Variants in ANKMY1 observed in about 807,000 individuals in gnomAD.
ANKMY1 encodes the protein ankyrin repeat and MYND domain-containing protein 1.
ANKMY1 carries 98 observed loss-of-function variants against 102.0 expected under a neutral mutation model. The observed-to-expected ratio is 0.96, with a 90% CI of 0.82 to 1.14. The LOEUF (loss-of-function observed/expected upper bound fraction) is 1.14, where lower values mean the gene tolerates loss of function less well. ANKMY1 is among the 50% of genes most tolerant of loss of function. ANKMY1 has a pLI of 0.00. For synonymous variants in ANKMY1, 582 were observed against 559.9 expected (o/e 1.04, Z -0.56); for missense variants, 1,330 against 1,347.6 (o/e 0.99, Z 0.20).
At chr2:240,534,183 T>C (rs928285882) in intron 4 of ANKMY1, among the ~76,000 whole-genome samples, 1 of 152,218 alleles carries the variant, frequency 6.6e-6, no homozygotes, top group African/African-American at 2.4e-5. Flanking sequence ...CACTGGAGCT[T>C]ATCCACAGTT....
intron 11 of ANKMY1, among the ~76,000 whole-genome samples, chr2:240,511,089 T>C (rs1488879314): frequency 2.0e-5 from 3 of 152,038 alleles, no homozygotes; most frequent in African/African-American, 7.2e-5. Context: ...GACAGGGATG[T>C]TCTGAAGCAG....
In ANKMY1 at chr2:240,529,277, T is replaced by C. The variant is rs765852536; in HGVS notation, c.713A>G (p.Asp238Gly). The C allele has an allele frequency of 6.2e-7, 1 of 1,614,042 alleles. No individual in the cohort carries two copies. Among genetic ancestry groups the C allele is most frequent in the Non-Finnish European group, 8.5e-7 (1 of 1,180,038 alleles). ...KTEWGLQEGQDPFFYDYKRFL... is the reference protein window; with the variant it reads ...KTEWGLQEGQGPFFYDYKRFL... ...CCGCTTATAGTCATAGAAAAAGGGA[T>C]CCTGTCCCTCCTGCAGTCCCCACTC... Residue 238 changes from aspartate (D) to glycine (G), a missense_variant, in exon 5 of 18, where the codon GAT becomes GGT. By Grantham distance (94) the Asp-to-Gly change is moderately conservative. Coordinates refer to ENST00000401804, the MANE Select transcript of ANKMY1 (RefSeq NM_001282771.3). This position sits in a 1 kb window ranked among gnomAD's most constrained non-coding sequence, Gnocchi z 4.2.
chr2:240,546,495 G>T (rs1367954948), intron 4 of ANKMY1, among the ~76,000 whole-genome samples: 1 of 152,052 alleles, frequency 6.6e-6, no homozygotes, highest in Admixed American at 6.5e-5. Flanking sequence ...GACAGGATCA[G>T]ATTCACACAT....
intron 4 of ANKMY1, among the ~76,000 whole-genome samples, chr2:240,539,300 AGAGGAACGAACAACTCCGGACCG>A (rs2087918299): frequency 6.6e-6 from 1 of 150,596 alleles, no homozygotes; most frequent in Admixed American, 6.6e-5. Flanking sequence ...ACTCTGGACC[AGAGGAACGAACAACTCCGGACCG>A]GAGGAACGAG....
chr2:240,474,723 C>G (rs2074743646), downstream of ANKMY1, among the ~76,000 whole-genome samples: 2 of 152,192 alleles, frequency 1.3e-5, no homozygotes, highest in East Asian at 3.8e-4. Flanking sequence ...GCCTCCAGCT[C>G]CATCCACATT....
upstream of ANKMY1, chr2:240,561,039 A>G: frequency 6.6e-7 from 1 of 1,525,502 alleles, no homozygotes; most frequent in Non-Finnish European, 8.7e-7. Flanking sequence ...CGCGTACCTC[A>G]TGCGGCACCG....
At chr2:240,484,301 A>T (rs1043874080) in intron 15 of ANKMY1, among the ~76,000 whole-genome samples, 26 of 152,234 alleles carry the variant, frequency 1.7e-4, no homozygotes, top group African/African-American at 6.3e-4. Flanking sequence ...ACTTCAAACT[A>T]TACTACAAGG....
chr2:240,502,257 G>T (rs1015905010), intron 13 of ANKMY1, among the ~76,000 whole-genome samples: 1 of 151,448 alleles, frequency 6.6e-6, no homozygotes, highest in South Asian at 2.1e-4. Flanking sequence ...GCTCTGCCAG[G>T]GCAGTGATGC....
At chr2:240,485,331 GA>G (rs1012691402) in intron 15 of ANKMY1, among the ~76,000 whole-genome samples, 52 of 147,672 alleles carry the variant, frequency 3.5e-4, no homozygotes, top group African/African-American at 1.2e-3. Flanking sequence ...CCGTCTCAAA[GA>G]AAAAAAAAAA....
At position 240,555,039 on chromosome 2, in the gene ANKMY1, G is replaced by T. The variant is rs552783722; in HGVS notation, c.163C>A (p.Pro55Thr). 4 of 1,613,964 alleles carry T rather than the reference G, an allele frequency of 2.5e-6. No homozygotes were observed. The highest frequency in any genetic ancestry group is 2.2e-5 in the South Asian group (2 of 91,088). Residue 55 changes from proline to threonine, a missense_variant, in exon 3 of 18, where the codon CCT (proline) becomes ACT (threonine). Coordinates refer to ENST00000401804, the MANE Select transcript of ANKMY1 (RefSeq NM_001282771.3). ...TCAGCTTCCTCCTCTTCCTTCTCAG[G>T]GGCTGCTGAAACATCCCTAAAAGGA... ...VFATRDVSAA[P>T]EKEEEEAEGP...
chr2:240,526,515 G>T lies in ANKMY1; in HGVS notation c.954-70C>A, dbSNP rs996136842. 6 of 1,594,256 alleles carry T rather than the reference G, an allele frequency of 3.8e-6. 1 individual carries two copies. The African/African-American group carries it at 4.0e-5, about 11-fold the overall frequency. On this transcript the variant is annotated intron_variant, in intron 5 of 17. Coordinates refer to ENST00000401804, the MANE Select transcript of ANKMY1 (RefSeq NM_001282771.3). ...CCTCCCACGAGAAAGGGTCCAGCTG[G>T]ACCACCTCCCTCCAATGCCTCTCCC...
At chr2:240,560,725 C>A (rs936941613), upstream of ANKMY1, 1 of 1,524,850 alleles carries the variant, frequency 6.6e-7, no homozygotes, top group South Asian at 1.2e-5. Context: ...GCCGCCTCGC[C>A]CGTACCTCCA....
At chr2:240,496,357 TAG>T (rs1216898268) in intron 15 of ANKMY1, among the ~76,000 whole-genome samples, 2 of 154 alleles carry the variant, frequency 0.013, no homozygotes, top group African/African-American at 0.038. Context: ...TCTAATTAGA[TAG>T]ATAGATAGAT....
At chr2:240,544,873 C>T (rs1418399393) in intron 4 of ANKMY1, among the ~76,000 whole-genome samples, 7 of 151,752 alleles carry the variant, frequency 4.6e-5, no homozygotes, top group African/African-American at 1.7e-4. Flanking sequence ...CACGGAGTCT[C>T]GCTGATTGCT....
At chr2:240,558,095 G>A, upstream of ANKMY1, 1 of 602,284 alleles carries the variant, frequency 1.7e-6, no homozygotes, top group Non-Finnish European at 2.1e-6. Flanking sequence ...CTCCGGGCGT[G>A]CCCGCCCTCT....
intron 9 of ANKMY1, chr2:240,519,811 G>T (rs540771227): frequency 1.4e-5 from 3 of 212,350 alleles, no homozygotes; most frequent in East Asian, 1.3e-4. Context: ...CTGTGAAGCC[G>T]CTTGCTCACG....
intron 8 of ANKMY1, chr2:240,522,360 T>C (rs1022257706): frequency 1.3e-5 from 2 of 152,236 alleles, no homozygotes; most frequent in Non-Finnish European, 1.5e-5. Flanking sequence ...CACAAAAAGT[T>C]ATTTTACAAA....
intron 15 of ANKMY1, among the ~76,000 whole-genome samples, chr2:240,489,513 T>C (rs2076411300): frequency 6.6e-6 from 1 of 152,222 alleles, no homozygotes; most frequent in Admixed American, 6.5e-5. Flanking sequence ...TCCAGTGCTT[T>C]TTCTGCATCT....
rs757155921 is a variant in ANKMY1 at position 240,509,412 on chromosome 2, T to C, written c.2330A>G (p.Asn777Ser). The change falls in exon 12 of 18, where the codon AAT becomes AGT. Residue 777 changes from asparagine (N) to serine (S), a missense_variant. Physicochemically the swap from Asn to Ser is conservative, Grantham distance 46. Transcript: ENST00000401804. Reference protein sequence around the residue: ...IVRLLLSHGANPNLLWSGHSP... With the variant: ...IVRLLLSHGASPNLLWSGHSP... ...GTGGCCACTCCACAGCAGGTTAGGATTTGCTCCGTGGGATAGAAGGAGCCG... is the reference window on the plus strand; with the variant it reads ...GTGGCCACTCCACAGCAGGTTAGGACTTGCTCCGTGGGATAGAAGGAGCCG... 6.2e-6 allele frequency: 10 copies of C among 1,613,640 alleles called. No individual in the cohort carries two copies. In the South Asian group the frequency reaches 1.1e-4, roughly 18 times the overall value.
Sources: allele counts gnomAD v4.1 joint callset (sites outside exome capture counted in the v4.1 genomes callset), GRCh38; gene constraint gnomAD v4.1.1; non-coding constraint Gnocchi (gnomAD v3.1); transcripts MANE v1.5; gene names NCBI Gene and HGNC (gene_info 2026-07-23, HGNC 2026-07-21).